ABCG5: variants seen among roughly 807,000 people sequenced by gnomAD.
The protein encoded by ABCG5 is ATP binding cassette subfamily G member 5, also known as ATP-binding cassette sub-family G member 5.
A neutral mutation model predicts 64.5 loss-of-function variants in ABCG5; 64 were observed. The ratio of observed to expected loss-of-function variants is 0.99; its 90% CI spans 0.81 to 1.22. The LOEUF (loss-of-function observed/expected upper bound fraction) is 1.22. Among genes scored for constraint, ABCG5 ranks in the 50% most tolerant of loss-of-function variants. The pLI is 0.00. For synonymous variants in ABCG5, 385 were observed against 326.3 expected (o/e 1.18, Z -1.94); for missense variants, 908 against 829.5 (o/e 1.09, Z -1.16).
intron 5 of ABCG5, among the ~76,000 whole-genome samples, chr2:43,827,238 T>C (rs893103151): frequency 6.6e-6 from 1 of 150,526 alleles, no homozygotes. Context: ...GGCAGGAGAA[T>C]CGCTTCAACC....
chr2:43,833,246 A>T (rs968711402), intron 2 of ABCG5, among the ~76,000 whole-genome samples: 7 of 152,134 alleles, frequency 4.6e-5, no homozygotes, highest in Non-Finnish European at 1.0e-4. Flanking sequence ...AAGGAGGCTG[A>T]GAAGTTGGGA....
At chr2:43,835,292 A>T (rs1056087780) in intron 2 of ABCG5, among the ~76,000 whole-genome samples, 3 of 138,426 alleles carry the variant, frequency 2.2e-5, no homozygotes, top group Non-Finnish European at 1.5e-5. Flanking sequence ...CACTTCTGAG[A>T]TGGGGGGTTC....
chr2:43,810,546 A>T (rs936166438), downstream of ABCG5: 14 of 979,768 alleles, frequency 1.4e-5, no homozygotes, highest in Non-Finnish European at 1.6e-5. Flanking sequence ...TGCTATGATT[A>T]AAAATGATTT....
rs1475307005 is a variant in ABCG5 at position 43,819,922 on chromosome 2, A to C, written c.1642T>G (p.Phe548Val). ...SIAGVLVGSG[F>V]LRNIQEMPIP... is the part of the protein sequence containing the mutation. ...TGAATTATGATATCTTACCTGAGGA[A>C]TCCAGATCCAACAAGCACCCCCGCA... Residue 548 changes from phenylalanine to valine, a missense_variant, in exon 11 of 13, where the codon TTC becomes GTC. By Grantham distance (50) the Phe-to-Val change is conservative (BLOSUM62 -1). Transcript: ENST00000405322. The C allele has an allele frequency of 2.5e-6, 4 of 1,614,184 alleles. No homozygotes were observed. The highest frequency in any genetic ancestry group is 3.4e-6 in the Non-Finnish European group (4 of 1,180,034).
intron 11 of ABCG5, among the ~76,000 whole-genome samples, chr2:43,815,292 G>T (rs4148192): frequency 2.0e-5 from 3 of 151,990 alleles, no homozygotes; most frequent in Non-Finnish European, 4.4e-5. Flanking sequence ...CAATCAAAAG[G>T]TATAAAATTC....
chr2:43,830,332 A>C (rs1212374619), intron 4 of ABCG5, among the ~76,000 whole-genome samples: 1 of 152,238 alleles, frequency 6.6e-6, no homozygotes, highest in Non-Finnish European at 1.5e-5. Context: ...CATCAAACCC[A>C]GGAGAAATGC....
downstream of ABCG5, among the ~76,000 whole-genome samples, chr2:43,811,968 A>G (rs142049487): frequency 3.9e-3 from 600 of 152,300 alleles, 5 homozygotes; most frequent in African/African-American, 0.014. Flanking sequence ...GTATTTATAC[A>G]TATCAGCACC....
chr2:43,806,330 C>T, the ABCG5 span, among the ~76,000 whole-genome samples: 1,329 of 152,298 alleles, frequency 8.7e-3, 24 homozygotes, highest in African/African-American at 0.03. Context: ...GTGGCAGTCA[C>T]GTTGTTGCGA....
At position 43,823,012 on chromosome 2, in the gene ABCG5, T is replaced by G. The variant is rs1667338613; in HGVS notation, c.1325-77A>C. The G allele has an allele frequency of 1.9e-6, 3 of 1,578,472 alleles. No homozygotes were observed. The East Asian group carries it at 7.1e-5, about 37-fold the overall frequency. ...AGGGAGGGCTAGCCCAAGCTGAATG[T>G]GAGGTCTGTCAGGGCTGGATGGTGA... On this transcript the variant is annotated intron_variant, in intron 9 of 12. Coordinates refer to ENST00000405322, the MANE Select transcript of ABCG5 (RefSeq NM_022436.3).
Position 43,828,115 on chromosome 2 carries a change from C to T in ABCG5, c.502G>A (p.Val168Met). The T allele has an allele frequency of 6.2e-7, 1 of 1,613,978 alleles. No individual in the cohort carries two copies. The highest frequency in any genetic ancestry group is 8.5e-7 in the Non-Finnish European group (1 of 1,180,018). The change falls in exon 5 of 13, where the codon GTG becomes ATG. Residue 168 changes from valine (V) to methionine (M), a missense_variant and splice_region_variant. Transcript: ENST00000405322. ...CTCAGCTCTGCCATGACGGCCTCCACCTGCAGGAGACACAAATTACAGGAA... is the reference window on the plus strand; with the variant it reads ...CTCAGCTCTGCCATGACGGCCTCCATCTGCAGGAGACACAAATTACAGGAA... The part of the protein sequence containing the change: ...RGNPGSFQKK[V>M]EAVMAELSLS...
chr2:43,826,326 T>C, intron 6 of ABCG5, 56 bp downstream of exon 6: 2 of 1,611,786 alleles, frequency 1.2e-6, no homozygotes, highest in Non-Finnish European at 1.7e-6. Flanking sequence ...CCCCTGCCCC[T>C]GTGATTCCCA....
intron 2 of ABCG5, among the ~76,000 whole-genome samples, chr2:43,833,089 C>T (rs1213905570): frequency 2.0e-5 from 3 of 152,082 alleles, no homozygotes; most frequent in African/African-American, 4.8e-5. Context: ...GGATTACAGG[C>T]GTGAGCCACT....
chr2:43,823,256 T>C (rs1667360765), intron 9 of ABCG5, among the ~76,000 whole-genome samples: 1 of 152,104 alleles, frequency 6.6e-6, no homozygotes, highest in Non-Finnish European at 1.5e-5. Context: ...TTTGTCTTCT[T>C]TCTGTGCAGG....
chr2:43,807,274 T>G, the ABCG5 span, among the ~76,000 whole-genome samples: 1 of 152,090 alleles, frequency 6.6e-6, no homozygotes, highest in Non-Finnish European at 1.5e-5. Context: ...TGATTAGCCC[T>G]CTTTAATTAT....
At chr2:43,810,397 ATC>A, downstream of ABCG5, 1 of 985,428 alleles carries the variant, frequency 1.0e-6, no homozygotes, top group Non-Finnish European at 1.2e-6. Context: ...CTAAGGAGAT[ATC>A]CTATCAAGAA....
At chr2:43,828,169 A>G in intron 4 of ABCG5, 54 bp from the exon 5 acceptor site, 1 of 1,611,786 alleles carries the variant, frequency 6.2e-7, no homozygotes, top group Non-Finnish European at 8.5e-7. Context: ...CTGCTATTTC[A>G]ATTCATGGGC....
rs764520626 is a variant in ABCG5, at chr2:43,822,887, T to C, written c.1373A>G (p.Tyr458Cys). The change falls in exon 10 of 13, where the codon TAC (tyrosine) becomes TGC (cysteine). Residue 458 changes from tyrosine (Y) to cysteine (C), a missense_variant. Transcript: ENST00000405322. ...VSDQESQDGLYQKWQMMLAYA... is the reference protein window; with the variant it reads ...VSDQESQDGLCQKWQMMLAYA... ...GGCCAGCATCATCTGCCACTTCTGG[T>C]AGAGGCCGTCCTGACTCTCCTGGTC... 6.2e-7 allele frequency: 1 copy of C among 1,613,876 alleles called. No individual in the cohort carries two copies. The highest frequency in any genetic ancestry group is 1.3e-5 in the African/African-American group (1 of 74,878).
chr2:43,832,473 AT>A, intron 2 of ABCG5: 1 of 290,822 alleles, frequency 3.4e-6, no homozygotes, highest in Non-Finnish European at 6.6e-6. Flanking sequence ...CCTAGGACGG[AT>A]TTCTTTTTGT....
At chr2:43,808,309 C>T (rs1278751937), downstream of ABCG5, among the ~76,000 whole-genome samples, 2 of 150,164 alleles carry the variant, frequency 1.3e-5, no homozygotes, top group Non-Finnish European at 3.0e-5. Context: ...AGTCTATATA[C>T]CATTTTGAAA....
Sources: gnomAD v4.1 joint callset for allele counts (sites outside exome capture counted in the v4.1 genomes callset) on GRCh38, gnomAD v4.1.1 for gene constraint, MANE v1.5 for transcripts, NCBI Gene and HGNC (gene_info 2026-07-23, HGNC 2026-07-21) for gene names.